Variants in DPH6 observed in about 807,000 individuals in gnomAD.
DPH6 encodes diphthine--ammonia ligase.
Under a neutral mutation model 38.2 loss-of-function variants are expected in DPH6, and 33 were observed. The observed-to-expected ratio is 0.86, with a 90% confidence interval of 0.65 to 1.15. The LOEUF (loss-of-function observed/expected upper bound fraction) is 1.15. Among genes scored for constraint, DPH6 ranks in the 50% most tolerant of loss-of-function variants. The pLI is 0.00. For missense variants in DPH6, 325 were observed against 320.0 expected (o/e 1.02, Z -0.12); for synonymous variants, 108 against 103.0 (o/e 1.05, Z -0.30).
At chr15:35,486,563 A>T (rs368678319) in intron 3 of DPH6, among the ~76,000 whole-genome samples, 6 of 151,748 alleles carry the variant, frequency 4.0e-5, no homozygotes, top group African/African-American at 1.5e-4. Context: ...TGAGAACAGC[A>T]TGGGTAGAAA....
At chr15:35,393,927 T>C (rs1028383519) in intron 6 of DPH6, among the ~76,000 whole-genome samples, 13 of 152,340 alleles carry the variant, frequency 8.5e-5, no homozygotes, top group South Asian at 6.2e-4. Flanking sequence ...GAACTTAGTA[T>C]GAGTAGTAGT....
intron 3 of DPH6, chr15:35,522,247 T>C (rs1012754800): frequency 1.2e-6 from 2 of 1,613,110 alleles, no homozygotes; most frequent in East Asian, 2.2e-5. Flanking sequence ...CAGAGCATCA[T>C]ATTCAGCAAG....
chr15:35,298,855 G>A (rs1439346228), intron 3 of DPH6: 1 of 1,024,260 alleles, frequency 9.8e-7, no homozygotes, highest in Non-Finnish European at 1.6e-6. Flanking sequence ...CTGTGATCGA[G>A]GTCTTGAGTC....
In DPH6 at chr15:35,248,559, T is replaced by G. The variant is rs139991410; in HGVS notation, n.201-27977A>C. ...CAATCACATCTCTACACGCTCTTCT[T>G]GCTTCATCAGATCTAAAGCACCCAT... On this transcript the variant is annotated intron_variant and non_coding_transcript_variant, in intron 3 of 3. Coordinates refer to the DPH6 transcript ENST00000560386. Among the ~76,000 whole-genome samples, 178 of 152,334 alleles carry G rather than the reference T, an allele frequency of 1.2e-3. 1 individual carries two copies. The highest frequency in any genetic ancestry group is 4.1e-3 in the African/African-American group (169 of 41,586).
At chr15:35,409,359 A>T (rs2053335488) in intron 6 of DPH6, among the ~76,000 whole-genome samples, 1 of 151,984 alleles carries the variant, frequency 6.6e-6, no homozygotes, top group Non-Finnish European at 1.5e-5. Flanking sequence ...AAATAATTCT[A>T]GGGAAATACA....
chr15:35,154,458 T>C, the DPH6 span, among the ~76,000 whole-genome samples: 1 of 152,196 alleles, frequency 6.6e-6, no homozygotes. Context: ...AAATTCATTA[T>C]GCATGTAGCC....
chr15:35,322,008 G>A (rs1473667771), intron 3 of DPH6, among the ~76,000 whole-genome samples: 1 of 152,132 alleles, frequency 6.6e-6, no homozygotes, highest in Non-Finnish European at 1.5e-5. Context: ...CTGATTGGCT[G>A]GGGAAGAAAT....
intron 3 of DPH6, among the ~76,000 whole-genome samples, chr15:35,260,396 G>A (rs903417753): frequency 1.7e-4 from 26 of 151,988 alleles, no homozygotes; most frequent in African/African-American, 3.6e-4. Flanking sequence ...GTGAGCCACC[G>A]CGCCCAGCCA....
intron 3 of DPH6, among the ~76,000 whole-genome samples, chr15:35,516,893 A>G (rs942600088): frequency 6.6e-6 from 1 of 152,102 alleles, no homozygotes; most frequent in Non-Finnish European, 1.5e-5. Context: ...TGTAAGCAGT[A>G]CTACTACTGA....
intron 3 of DPH6, among the ~76,000 whole-genome samples, chr15:35,359,258 T>G (rs2052593508): frequency 6.6e-6 from 1 of 152,068 alleles, no homozygotes; most frequent in Non-Finnish European, 1.5e-5. Flanking sequence ...CCAGACTGTT[T>G]CTAGGCAGAG....
chr15:35,514,713 A>C (rs1302578552), intron 3 of DPH6, among the ~76,000 whole-genome samples: 1 of 152,214 alleles, frequency 6.6e-6, no homozygotes, highest in East Asian at 1.9e-4. Context: ...AGAGAAACTT[A>C]TCTCTGAAAA....
chr15:35,521,936 T>A (rs1394211835), intron 3 of DPH6: 1 of 1,420,548 alleles, frequency 7.0e-7, no homozygotes, highest in Non-Finnish European at 9.2e-7. Flanking sequence ...GGAAAGTTCA[T>A]TTTTGAAGGT....
At chr15:35,303,723 G>A (rs1335527330) in intron 3 of DPH6, among the ~76,000 whole-genome samples, 1 of 150,566 alleles carries the variant, frequency 6.6e-6, no homozygotes, top group African/African-American at 2.4e-5. Flanking sequence ...GGAGAGGTTA[G>A]TGTCTATTTA....
intron 3 of DPH6, among the ~76,000 whole-genome samples, chr15:35,526,450 G>C (rs570281413): frequency 2.1e-4 from 32 of 152,226 alleles, no homozygotes; most frequent in Admixed American, 7.8e-4. Context: ...TTTAACAATT[G>C]CTCATCGAGC....
At chr15:35,148,376 T>C in the DPH6 span, among the ~76,000 whole-genome samples, 2 of 152,218 alleles carry the variant, frequency 1.3e-5, no homozygotes, top group African/African-American at 4.8e-5. Context: ...TTAATGTCTT[T>C]TGTAGAATGT....
intron 3 of DPH6, among the ~76,000 whole-genome samples, chr15:35,261,043 CA>C (rs2051742946): frequency 6.6e-6 from 1 of 152,208 alleles, no homozygotes; most frequent in South Asian, 2.1e-4. Context: ...TCCCGGAAGT[CA>C]AAACCCACAA....
the DPH6 span, among the ~76,000 whole-genome samples, chr15:35,149,391 C>T: frequency 2.6e-5 from 4 of 152,292 alleles, no homozygotes; most frequent in South Asian, 8.3e-4. Flanking sequence ...GCACCCACTA[C>T]TACGCCCAGC....
chr15:35,466,770 C>G (rs1380589275), intron 3 of DPH6, among the ~76,000 whole-genome samples: 2 of 152,128 alleles, frequency 1.3e-5, no homozygotes, highest in East Asian at 3.8e-4. Flanking sequence ...TAAACCTGTA[C>G]AGCATATTAC....
At chr15:35,356,649 G>T (rs1340296108) in intron 3 of DPH6, among the ~76,000 whole-genome samples, 1 of 152,096 alleles carries the variant, frequency 6.6e-6, no homozygotes, top group Non-Finnish European at 1.5e-5. Flanking sequence ...TGCAAGTTTT[G>T]TCTCAGAGGA....
Sources: gnomAD v4.1 joint callset for allele counts (sites outside exome capture counted in the v4.1 genomes callset) on GRCh38, gnomAD v4.1.1 for gene constraint, MANE v1.5 for transcripts, NCBI Gene and HGNC (gene_info 2026-07-23, HGNC 2026-07-21) for gene names.